KLRK1: variants seen among roughly 807,000 people sequenced by gnomAD.
KLRK1 encodes killer cell lectin like receptor K1.
Under a neutral mutation model 31.3 loss-of-function variants are expected in KLRK1, and 40 were observed. That is an observed-to-expected ratio of 1.28 (90% CI 0.99 to 1.67). KLRK1 has a LOEUF of 1.67. KLRK1 is among the 40% of genes most tolerant of loss of function. The pLI is 0.00. For missense variants in KLRK1, 251 were observed against 260.0 expected (o/e 0.97, Z 0.24); for synonymous variants, 77 against 77.3 (o/e 1.00, Z 0.02).
chr12:10,388,947 A>G (rs1863221197), intron 1 of KLRK1, 72 bp from the exon 2 acceptor site: 1 of 1,046,926 alleles, frequency 9.6e-7, no homozygotes, highest in Admixed American at 2.6e-5. Context: ...TTTGAATAGA[A>G]AAGTAAAATG....
At position 10,388,839 on chromosome 12, in the gene KLRK1, A is replaced by T; in HGVS notation, c.-29T>A. On this transcript the variant is annotated 5_prime_UTR_variant, in exon 2 of 8. Transcript: ENST00000240618. ...ATACTTATAAGTGCACGTCTACCGC[A>T]GAGAGGAATCTAAAGTCTTCAATGC... 6.2e-7 allele frequency: 1 copy of T among 1,613,636 alleles called. No homozygotes were observed. The highest frequency in any genetic ancestry group is 8.5e-7 in the Non-Finnish European group (1 of 1,179,740).
chr12:10,386,142 T>A (rs1413855820), intron 3 of KLRK1, among the ~76,000 whole-genome samples: 1 of 152,024 alleles, frequency 6.6e-6, no homozygotes, highest in African/African-American at 2.4e-5. Flanking sequence ...AGTGGATATT[T>A]AAATTGTTTC....
At chr12:10,378,767 A>G (rs996225032) in intron 5 of KLRK1, 62 bp from the exon 6 acceptor site, 1 of 1,511,710 alleles carries the variant, frequency 6.6e-7, no homozygotes, top group Non-Finnish European at 8.8e-7. Context: ...GATTTTGTCT[A>G]GACAAATTAA....
intron 7 of KLRK1, among the ~76,000 whole-genome samples, chr12:10,373,695 AGTGTGT>A (rs10537864): frequency 0.08 from 11,710 of 146,960 alleles, 461 homozygotes; most frequent in African/African-American, 0.1. Flanking sequence ...AGTGTGTATA[AGTGTGT>A]GTGTGTGTGT....
rs745505791 is a variant in KLRK1 at position 10,379,440 on chromosome 12, C to A, written c.277+7G>T. On this transcript the variant is annotated splice_region_variant and intron_variant, in intron 5 of 7. Transcript: ENST00000240618. ...TATGATCTAAAATATTTTAAAAATT[C>A]ACTTACCGGTCAAGGGAATTTGAAC... is the stretch of plus-strand genomic sequence containing the variant. 1.4e-6 allele frequency: 2 copies of A among 1,438,262 alleles called. No individual in the cohort carries two copies. Among genetic ancestry groups the A allele is most frequent in the East Asian group, 4.8e-5 (2 of 42,092 alleles). The allele number at this position is 1,438,262 out of a possible 1,614,324, so 89.1% of individuals were successfully genotyped here.
In KLRK1 at chr12:10,376,394, A is replaced by G. The variant is rs1241100368; in HGVS notation, c.533+1738T>C. Among the ~76,000 whole-genome samples, 8 of 152,346 alleles carry G rather than the reference A, an allele frequency of 5.3e-5. No homozygotes were observed. In the East Asian group the frequency reaches 1.5e-3, roughly 29 times the overall value. On this transcript the variant is annotated intron_variant, in intron 7 of 7. Coordinates refer to ENST00000240618, the MANE Select transcript of KLRK1 (RefSeq NM_007360.4). ...GAAATCAATAATAAAAATGTCTGAA[A>G]AATTCACAAATGTTGAAAACTAAAT...
intron 3 of KLRK1, among the ~76,000 whole-genome samples, chr12:10,381,230 G>A (rs1275823779): frequency 6.7e-6 from 1 of 148,548 alleles, no homozygotes; most frequent in Non-Finnish European, 1.5e-5. Context: ...GGCCAGAAAA[G>A]CATGGGATGA....
rs1863035098 is a variant in KLRK1 at position 10,379,752 on chromosome 12, C to T, written c.189G>A (p.Met63Ile). Residue 63 changes from methionine (M) to isoleucine (I), a missense_variant, in exon 4 of 8, where the codon ATG becomes ATA. Coordinates refer to ENST00000240618, the MANE Select transcript of KLRK1 (RefSeq NM_007360.4). Reference sequence around the variant, plus strand: ...TTACCATAATAATGAAACGGATTCCCATGGCTACAGCGATGAAGCAGCAGA... The same window carrying T: ...TTACCATAATAATGAAACGGATTCCTATGGCTACAGCGATGAAGCAGCAGA... ...FFFCCFIAVA[M>I]GIRFIIMVTI... 6.2e-7 allele frequency: 1 copy of T among 1,612,078 alleles called. No homozygotes were observed. Among genetic ancestry groups the T allele is most frequent in the Admixed American group, 1.7e-5 (1 of 59,878 alleles).
In KLRK1 at chr12:10,373,067, G is replaced by A. The variant is rs377304622; in HGVS notation, c.*47C>T. The stretch of plus-strand genomic sequence containing the variant: ...CTCAGTTGGCAGTGTTACCGCTGGT[G>A]TAATCTCTTCTCTGTTCCTGGCTTT... On this transcript the variant is annotated 3_prime_UTR_variant, in exon 8 of 8. Transcript: ENST00000240618. The A allele has an allele frequency of 9.9e-5, 153 of 1,541,690 alleles. No individual in the cohort carries two copies. The highest frequency in any genetic ancestry group is 2.4e-4 in the Admixed American group (14 of 57,576).
At position 10,386,988 on chromosome 12, in the gene KLRK1, A is replaced by T. The variant is rs757031790; in HGVS notation, c.63T>A (p.Tyr21Ter). 2.5e-6 allele frequency: 4 copies of T among 1,610,884 alleles called. No individual in the cohort carries two copies. In the African/African-American group the frequency reaches 5.4e-5, roughly 22 times the overall value. The change falls in exon 3 of 8, where the codon TAT (tyrosine) becomes TAA (stop). Residue 21 changes from tyrosine to a stop codon, truncating the protein, a stop_gained. Transcript: ENST00000240618. LOFTEE classifies it high-confidence loss of function. ...HSWEMSEFHNYNLDLKKSDFS... is the reference protein window; with the variant it reads ...HSWEMSEFHN Reference sequence around the variant, plus strand: ...AATCACTCTTCTTCAGATCCAAGTTATAATTATGAAATTCACTCATCTCTA... The same window carrying T: ...AATCACTCTTCTTCAGATCCAAGTTTTAATTATGAAATTCACTCATCTCTA...
chr12:10,388,632 TA>T (rs1314934134), intron 2 of KLRK1, 138 bp downstream of exon 2: 4 of 997,634 alleles, frequency 4.0e-6, no homozygotes, highest in Non-Finnish European at 5.8e-6. Context: ...AATATGAACA[TA>T]ACATGAAATC....
intron 3 of KLRK1, among the ~76,000 whole-genome samples, chr12:10,381,255 C>CAA (rs113653501): frequency 6.9e-6 from 1 of 144,760 alleles, no homozygotes; most frequent in Non-Finnish European, 1.5e-5. Flanking sequence ...TTCAAAATGC[C>CAA]AAAAAAAAAA....
At chr12:10,378,260 T>C in intron 6 of KLRK1, 25 bp from the exon 7 acceptor site, 1 of 1,600,178 alleles carries the variant, frequency 6.2e-7, no homozygotes, top group Non-Finnish European at 8.5e-7. Flanking sequence ...AAATAAACTA[T>C]AAGTAAAATC....
chr12:10,372,996 G>T lies in KLRK1; in HGVS notation c.*118C>A. 1.2e-6 allele frequency: 1 copy of T among 841,176 alleles called. No individual in the cohort carries two copies. Among genetic ancestry groups the T allele is most frequent in the Non-Finnish European group, 1.9e-6 (1 of 526,854 alleles). 52.1% of individuals were successfully genotyped at this position (841,176 alleles called of 1,614,324 possible). ...TGGTCCTGTGGAGTCTAAGAAATCTGACAGTCTTTGGTCATTTTGTCCTGT... is the reference window on the plus strand; with the variant it reads ...TGGTCCTGTGGAGTCTAAGAAATCTTACAGTCTTTGGTCATTTTGTCCTGT... On this transcript the variant is annotated 3_prime_UTR_variant, in exon 8 of 8. Transcript: ENST00000240618.
At chr12:10,385,821 A>G (rs1160471704) in intron 3 of KLRK1, among the ~76,000 whole-genome samples, 1 of 152,032 alleles carries the variant, frequency 6.6e-6, no homozygotes, top group Non-Finnish European at 1.5e-5. Flanking sequence ...AATTACCTTG[A>G]TTTGGTCATT....
intron 3 of KLRK1, among the ~76,000 whole-genome samples, chr12:10,380,089 G>A (rs1456349419): frequency 5.7e-5 from 7 of 122,806 alleles, no homozygotes; most frequent in South Asian, 2.6e-4. Flanking sequence ...TTTTTGAGAC[G>A]GAGTCTCGCT....
chr12:10,379,921 T>C (rs1863039211), intron 3 of KLRK1, 129 bp from the exon 4 acceptor site: 2 of 793,480 alleles, frequency 2.5e-6, no homozygotes, highest in African/African-American at 3.5e-5. Context: ...CTTAATAATT[T>C]TTTCCAGAAC....
chr12:10,379,651 G>T, intron 4 of KLRK1, 49 bp downstream of exon 4: 2 of 1,498,862 alleles, frequency 1.3e-6, no homozygotes, highest in Non-Finnish European at 1.8e-6. Flanking sequence ...TAATACATTA[G>T]CATTGTTAAA....
chr12:10,378,878 G>T, intron 5 of KLRK1, 173 bp from the exon 6 acceptor site: 1 of 745,684 alleles, frequency 1.3e-6, no homozygotes, highest in Non-Finnish European at 2.0e-6. Flanking sequence ...GCCAGGCTGG[G>T]TGTGGTGTCT....
Sources: gnomAD v4.1 joint callset for allele counts (sites outside exome capture counted in the v4.1 genomes callset) on GRCh38, gnomAD v4.1.1 for gene constraint, MANE v1.5 for transcripts, NCBI Gene and HGNC (gene_info 2026-07-23, HGNC 2026-07-21) for gene names.